Variants in GSG1L2 observed in about 807,000 individuals in gnomAD.
The protein encoded by GSG1L2 is germ cell-specific gene 1-like protein 2.
GSG1L2 carries 15 observed loss-of-function variants against 9.0 expected under a neutral mutation model. The ratio of observed to expected loss-of-function variants is 1.67; its 90% CI spans 1.12 to 2.57. GSG1L2 has a LOEUF of 2.57. GSG1L2 is among the 30% of genes most tolerant of loss of function. GSG1L2 has a pLI of 0.00. For synonymous variants in GSG1L2, 127 were observed against 57.9 expected, an observed-to-expected ratio of 2.19 and a Z score of -5.41; for missense variants, 286 against 150.3, an observed-to-expected ratio of 1.90 and a Z score of -4.72.
At chr17:9,817,890 C>T (rs74354152) in intron 1 of GSG1L2, among the ~76,000 whole-genome samples, 7,081 of 152,100 alleles carry the variant, frequency 0.047, 420 homozygotes, top group East Asian at 0.23. Flanking sequence ...CCCTGCCTTG[C>T]ATTCTGATGC....
chr17:9,812,501 T>C (rs985769380), intron 1 of GSG1L2, among the ~76,000 whole-genome samples: 5 of 152,102 alleles, frequency 3.3e-5, no homozygotes, highest in Admixed American at 1.3e-4. Flanking sequence ...CTGTAACAAA[T>C]TACCATAGAT....
intron 1 of GSG1L2, among the ~76,000 whole-genome samples, chr17:9,818,258 A>T (rs1203349283): frequency 6.6e-6 from 1 of 152,306 alleles, no homozygotes; most frequent in East Asian, 1.9e-4. Flanking sequence ...GGAATCTGCC[A>T]ATCACACAGT....
rs1261741106 is a variant in GSG1L2, at chr17:9,808,890, T to G, written c.451A>C (p.Ser151Arg). Residue 151 changes from serine (S) to arginine (R), a missense_variant, in exon 3 of 5, where the codon AGC becomes CGC. By Grantham distance (110) the Ser-to-Arg change is moderately radical. Coordinates refer to ENST00000399363, the MANE Select transcript of GSG1L2 (RefSeq NM_001310219.2). ...ILLGSRVSCR[S>R]PGFHWLRVDA... ...ACCCTGAGCCAGTGGAACCCAGGGC[T>G]GCGACAACTCACTCTGGAGCCCAGG... The G allele has an allele frequency of 1.4e-6, 1 of 702,902 alleles. No homozygotes were observed. Among genetic ancestry groups the G allele is most frequent in the Non-Finnish European group, 2.6e-6 (1 of 385,020 alleles). The allele number at this position is 702,902 out of a possible 1,614,324, so 43.5% of individuals were successfully genotyped here.
intron 1 of GSG1L2, among the ~76,000 whole-genome samples, chr17:9,812,232 G>T (rs2066542067): frequency 6.6e-6 from 1 of 152,060 alleles, no homozygotes; most frequent in Non-Finnish European, 1.5e-5. Context: ...AGGAACAGAG[G>T]GAGTTTAGGG....
intron 1 of GSG1L2, among the ~76,000 whole-genome samples, chr17:9,815,739 G>A (rs775883605): frequency 6.6e-6 from 1 of 152,176 alleles, no homozygotes; most frequent in Non-Finnish European, 1.5e-5. Context: ...TACTTATTAA[G>A]AGCTCTTTCT....
At position 9,820,723 on chromosome 17, in the gene GSG1L2, C is replaced by T. The variant is rs906541443; in HGVS notation, c.310+1039G>A. ...TATCATTCAGGCTGGAGGGCAGTCA[C>T]ACGATGATGACTCACTGCAGCCTCA... On this transcript the variant is annotated intron_variant, in intron 1 of 4. Transcript: ENST00000399363. This position sits in a 1 kb window ranked among gnomAD's most constrained non-coding sequence, Gnocchi z 4.9. Among the ~76,000 whole-genome samples, 6 of 151,606 alleles carry T rather than the reference C, an allele frequency of 4.0e-5. No individual in the cohort carries two copies. The South Asian group carries it at 1.0e-3, about 26-fold the overall frequency.
At chr17:9,814,683 T>G (rs1302170385) in intron 1 of GSG1L2, among the ~76,000 whole-genome samples, 1 of 152,164 alleles carries the variant, frequency 6.6e-6, no homozygotes, top group Non-Finnish European at 1.5e-5. Context: ...ATAAATCCCA[T>G]GAAGCCAGGG....
intron 1 of GSG1L2, among the ~76,000 whole-genome samples, chr17:9,819,328 C>G (rs1466605270): frequency 6.6e-6 from 1 of 152,102 alleles, no homozygotes; most frequent in Non-Finnish European, 1.5e-5. Flanking sequence ...AGCGATATAA[C>G]TTTATTAGGA....
rs556061340 is a variant in GSG1L2, at chr17:9,816,568, C to CTGTGTT, written c.310+5193_310+5194insAACACA. ...CGTGTGTCTGTGTGTGCATGCATATCTGTGTCTGTGTGTGCACGTGCGTGT... is the reference window on the plus strand; with the variant it reads ...CGTGTGTCTGTGTGTGCATGCATATCTGTGTTTGTGTCTGTGTGTGCACGTGCGTGT... On this transcript the variant is annotated intron_variant, in intron 1 of 4. Transcript: ENST00000399363. 1.0e-3 allele frequency among the ~76,000 whole-genome samples: 92 copies of CTGTGTT among 89,504 alleles called. 1 individual carries two copies. Among genetic ancestry groups the CTGTGTT allele is most frequent in the Middle Eastern group, 8.1e-3 (1 of 124 alleles). 58.7% of individuals were successfully genotyped at this position (89,504 alleles called of 152,430 possible).
chr17:9,813,531 C>T (rs1002592883), intron 1 of GSG1L2, among the ~76,000 whole-genome samples: 1 of 152,172 alleles, frequency 6.6e-6, no homozygotes, highest in Non-Finnish European at 1.5e-5. Flanking sequence ...GGACACTTCT[C>T]CTGATGTCAG....
At chr17:9,808,439 T>G (rs929739829) in intron 3 of GSG1L2, among the ~76,000 whole-genome samples, 1 of 152,204 alleles carries the variant, frequency 6.6e-6, no homozygotes, top group Non-Finnish European at 1.5e-5. Context: ...TACATTATAG[T>G]GTTCTGTCTT....
intron 1 of GSG1L2, among the ~76,000 whole-genome samples, chr17:9,815,159 G>T (rs188698709): frequency 2.0e-5 from 3 of 152,092 alleles, no homozygotes; most frequent in African/African-American, 7.2e-5. Flanking sequence ...AGGCCGAGGC[G>T]GGCGGATCAC....
intron 1 of GSG1L2, among the ~76,000 whole-genome samples, chr17:9,814,234 T>C (rs921079943): frequency 2.0e-5 from 3 of 152,160 alleles, no homozygotes; most frequent in African/African-American, 4.8e-5. Flanking sequence ...GCGCCTGGCC[T>C]TTCCACTGTT....
At chr17:9,807,454 C>T (rs1266515010) in intron 4 of GSG1L2, 36 bp downstream of exon 4, 1 of 702,302 alleles carries the variant, frequency 1.4e-6, no homozygotes, top group African/African-American at 1.7e-5. Context: ...CTCTCCTGAT[C>T]CTCCAGGACT....
At chr17:9,815,626 T>C (rs140829162) in intron 1 of GSG1L2, among the ~76,000 whole-genome samples, 1 of 152,242 alleles carries the variant, frequency 6.6e-6, no homozygotes, top group African/African-American at 2.4e-5. Flanking sequence ...TATTACGGAA[T>C]CTTTTCCAGT....
rs553755597 is a variant in GSG1L2, at chr17:9,801,513, C to A, written c.*873G>T. Among the ~76,000 whole-genome samples, 1 of 152,086 alleles carries A rather than the reference C, an allele frequency of 6.6e-6. No individual in the cohort carries two copies. Among genetic ancestry groups the A allele is most frequent in the African/African-American group, 2.4e-5 (1 of 41,408 alleles). On this transcript the variant is annotated 3_prime_UTR_variant, in exon 5 of 5. Transcript: ENST00000399363. Reference sequence around the variant, plus strand: ...TTACAGGCGTGAGCCACTACACCCACCCCCTTTCTTTTTTCAAAAAATCAA... The same window carrying A: ...TTACAGGCGTGAGCCACTACACCCAACCCCTTTCTTTTTTCAAAAAATCAA...
At chr17:9,821,657 C>T (rs1179138527) in intron 1 of GSG1L2, 105 bp downstream of exon 1, 8 of 653,570 alleles carry the variant, frequency 1.2e-5, no homozygotes, top group African/African-American at 1.1e-4. Context: ...TCATCCCGCA[C>T]CTGTTACCCC....
rs902314326 is a variant in GSG1L2 at position 9,802,606 on chromosome 17, G to C, written c.662C>G (p.Ser221Trp). The C allele has an allele frequency of 1.3e-5, 9 of 702,278 alleles. No homozygotes were observed. The Admixed American group carries it at 1.6e-4, about 12-fold the overall frequency. 43.5% of individuals were successfully genotyped at this position (702,278 alleles called of 1,614,324 possible). ...WGSFALCLAV[S>W]VSAMSRFTAA... is the part of the protein sequence containing the mutation. ...CGTGAACCTGCTCATGGCCGAGACCGACACAGCCAGGCAGAGGGCGAAAGA... is the reference window on the plus strand; with the variant it reads ...CGTGAACCTGCTCATGGCCGAGACCCACACAGCCAGGCAGAGGGCGAAAGA... Residue 221 changes from serine to tryptophan, a missense_variant, in exon 5 of 5, where the codon TCG (serine) becomes TGG (tryptophan). Physicochemically the swap from Ser to Trp is radical, Grantham distance 177. Transcript: ENST00000399363.
intron 4 of GSG1L2, among the ~76,000 whole-genome samples, chr17:9,806,613 A>G (rs548040823): frequency 6.6e-6 from 1 of 152,372 alleles, no homozygotes; most frequent in Admixed American, 6.5e-5. Context: ...AAAGGAGGGC[A>G]GTACAAATTG....
Sources: allele counts gnomAD v4.1 joint callset (sites outside exome capture counted in the v4.1 genomes callset), GRCh38; gene constraint gnomAD v4.1.1; non-coding constraint Gnocchi (gnomAD v3.1); transcripts MANE v1.5; gene names NCBI Gene and HGNC (gene_info 2026-07-23, HGNC 2026-07-21).